The following MXD3 variants were observed in gnomAD, a reference collection of about 807,000 sequenced individuals.
The protein encoded by MXD3 is MAX dimerization protein 3.
Under a neutral mutation model 27.5 loss-of-function variants are expected in MXD3, and 20 were observed. The observed-to-expected ratio is 0.73, with a 90% CI of 0.51 to 1.06. The LOEUF is 1.06. Ranked by LOEUF, MXD3 falls within the 50% of genes least tolerant of loss-of-function variation. The pLI is 0.00. For synonymous variants in MXD3, 150 were observed against 130.7 expected, an observed-to-expected ratio of 1.15 and a Z score of -1.01; for missense variants, 298 against 291.3, an observed-to-expected ratio of 1.02 and a Z score of -0.17.
In MXD3 at chr5:177,307,359, C is replaced by A. The variant is rs1389976850; in HGVS notation, c.*229G>T. 1.1e-5 allele frequency: 17 copies of A among 1,521,936 alleles called. No homozygotes were observed. Among genetic ancestry groups the A allele is most frequent in the Non-Finnish European group, 1.4e-5 (16 of 1,123,398 alleles). The allele number at this position is 1,521,936 out of a possible 1,614,324, so 94.3% of individuals were successfully genotyped here. ...CTTGGGCTCGGGCCCAAGCTGCCTG[C>A]CCTGCAGGGGTCCAGGGAGGTCCTG... On this transcript the variant is annotated 3_prime_UTR_variant, in exon 6 of 6. Coordinates refer to ENST00000439742, the MANE Select transcript of MXD3 (RefSeq NM_031300.4).
At chr5:177,312,451 AAGC>A, upstream of MXD3, 1 of 985,512 alleles carries the variant, frequency 1.0e-6, no homozygotes, top group African/African-American at 1.7e-5. Context: ...GCGGGAAAAG[AAGC>A]AGGTTTCAAA....
At chr5:177,306,316 C>T, downstream of MXD3, 1 of 1,585,220 alleles carries the variant, frequency 6.3e-7, no homozygotes, top group Middle Eastern at 1.7e-4. Flanking sequence ...GTGAATACCA[C>T]CTTTTTAGTG....
Position 177,311,361 on chromosome 5 carries a change from C to T in MXD3, c.176+18G>A, listed in dbSNP as rs1287860461. ...CGCCCACCCCCACCCCCACTCCCGC[C>T]GCCCCCGGCCTCCTCACCGCCCGCT... On this transcript the variant is annotated intron_variant, in intron 2 of 5. Coordinates refer to ENST00000439742, the MANE Select transcript of MXD3 (RefSeq NM_031300.4). 3 of 1,430,080 alleles carry T rather than the reference C, an allele frequency of 2.1e-6. No homozygotes were observed. The highest frequency in any genetic ancestry group is 3.1e-5 in the African/African-American group (2 of 65,552). The allele number at this position is 1,430,080 out of a possible 1,614,324, so 88.6% of individuals were successfully genotyped here. A position where few individuals can be genotyped will look rare whatever the true frequency, so the allele number is the denominator to read the frequency against.
downstream of MXD3, chr5:177,305,557 G>T (rs1760844544): frequency 3.0e-6 from 1 of 329,170 alleles, no homozygotes; most frequent in Admixed American, 4.6e-5. Flanking sequence ...GCTGGTGGAA[G>T]GCGGCTAAAA....
chr5:177,306,211 G>A (rs556789631), downstream of MXD3: 37 of 1,595,764 alleles, frequency 2.3e-5, no homozygotes, highest in South Asian at 3.5e-4. Flanking sequence ...TCCTCATAGG[G>A]AGAGGCTCAT....
rs771639154 is a variant in MXD3, at chr5:177,307,637, ACGAAGCCCC to A, written c.563_571del (p.Arg188_Val191delinsLeu). 6.2e-7 allele frequency: 1 copy of A among 1,613,326 alleles called. No homozygotes were observed. The highest frequency in any genetic ancestry group is 1.1e-5 in the South Asian group (1 of 91,076). On this transcript the variant is annotated inframe_deletion, in exon 6 of 6. Transcript: ENST00000439742. ...CGAGTAGCTGTGCTCCTGGCCGGCG[ACGAAGCCCC>A]GCAGCAGCTCGGCCTCACCCCCAAA...
At chr5:177,306,342 G>A (rs187617178), downstream of MXD3, 6 of 1,601,986 alleles carry the variant, frequency 3.7e-6, no homozygotes, top group Admixed American at 8.5e-5. Flanking sequence ...TGGCCCAGAG[G>A]AGATTGGTGT....
At chr5:177,309,777 G>A (rs1441995423) in intron 4 of MXD3, among the ~76,000 whole-genome samples, 1 of 152,240 alleles carries the variant, frequency 6.6e-6, no homozygotes, top group African/African-American at 2.4e-5. Flanking sequence ...TATTCCTCTA[G>A]AGGGCAGGAA....
downstream of MXD3, chr5:177,305,605 A>G: frequency 4.2e-6 from 2 of 476,040 alleles, no homozygotes; most frequent in South Asian, 2.3e-5. Flanking sequence ...AAAATCCAGG[A>G]GCAGGATGGG....
At position 177,307,663 on chromosome 5, in the gene MXD3, A is replaced by G. The variant is rs1326591892; in HGVS notation, c.546T>C (p.Gly182=). ...EVDVESLVFG[G]EAELLRGFVA... is the part of the protein sequence containing the mutation. Reference sequence around the variant, plus strand: ...CGAAGCCCCGCAGCAGCTCGGCCTCACCCCCAAACACCAGGCTCTCCACAT... The same window carrying G: ...CGAAGCCCCGCAGCAGCTCGGCCTCGCCCCCAAACACCAGGCTCTCCACAT... The change falls in exon 6 of 6, where the codon GGT becomes GGC. Residue 182 remains glycine, a synonymous_variant. Transcript: ENST00000439742. The G allele has an allele frequency of 1.2e-6, 2 of 1,613,256 alleles. No individual in the cohort carries two copies. Among genetic ancestry groups the G allele is most frequent in the East Asian group, 2.2e-5 (1 of 44,848 alleles).
chr5:177,307,849 C>A lies in MXD3; in HGVS notation c.437G>T (p.Arg146Leu). 1 of 1,610,560 alleles carries A rather than the reference C, an allele frequency of 6.2e-7. No individual in the cohort carries two copies. The highest frequency in any genetic ancestry group is 8.5e-7 in the Non-Finnish European group (1 of 1,179,024). Residue 146 changes from arginine to leucine, a missense_variant, in exon 5 of 6, where the codon CGG (arginine) becomes CTG (leucine). By Grantham distance (102) the Arg-to-Leu change is moderately radical. Coordinates refer to ENST00000439742, the MANE Select transcript of MXD3 (RefSeq NM_031300.4). The stretch of plus-strand genomic sequence containing the variant: ...CAGACTGTCCGCCCGCAGCCGCTCC[C>A]GCTCGGCCGCCCCTGCCAGCCCCCG... The part of the protein sequence containing the change: ...QLRGLAGAAE[R>L]ERLRADSLDS...
chr5:177,311,600 C>T (rs1212212678), intron 1 of MXD3, 116 bp from the exon 2 acceptor site: 2 of 1,133,214 alleles, frequency 1.8e-6, no homozygotes, highest in Non-Finnish European at 1.2e-6. Flanking sequence ...TTCCCCCACC[C>T]GTCCCTGCTC....
intron 4 of MXD3, among the ~76,000 whole-genome samples, chr5:177,308,817 C>T (rs994621665): frequency 6.6e-6 from 1 of 152,212 alleles, no homozygotes; most frequent in South Asian, 2.1e-4. Flanking sequence ...ACGATCCCTA[C>T]AAGAGCGAGA....
At chr5:177,306,610 T>A, downstream of MXD3, 1 of 1,591,782 alleles carries the variant, frequency 6.3e-7, no homozygotes, top group South Asian at 1.1e-5. Context: ...CAGCTAGGCT[T>A]AGCCTCTCTG....
At chr5:177,309,166 AAGGGCCTTGAGTTTCAC>A (rs1367139732) in intron 4 of MXD3, among the ~76,000 whole-genome samples, 1 of 152,190 alleles carries the variant, frequency 6.6e-6, no homozygotes, top group African/African-American at 2.4e-5. Context: ...CTGGGTTATG[AAGGGCCTTGAGTTTCAC>A]AGGAAGGAAG....
In MXD3 at chr5:177,307,626, C is replaced by G. The variant is rs774939025; in HGVS notation, c.583G>C (p.Glu195Gln). 1 of 1,613,274 alleles carries G rather than the reference C, an allele frequency of 6.2e-7. No homozygotes were observed. Residue 195 changes from glutamate (E) to glutamine (Q), a missense_variant, in exon 6 of 6, where the codon GAG (glutamate) becomes CAG (glutamine). Physicochemically the swap from Glu to Gln is conservative, Grantham distance 29. Transcript: ENST00000439742. ...CCGCCGCCGTGCGAGTAGCTGTGCT[C>G]CTGGCCGGCGACGAAGCCCCGCAGC... is the stretch of plus-strand genomic sequence containing the variant. ...ELLRGFVAGQEHSYSHGGGAW... is the reference protein window; with the variant it reads ...ELLRGFVAGQQHSYSHGGGAW...
chr5:177,306,114 G>T (rs555396821), downstream of MXD3: 3 of 1,613,494 alleles, frequency 1.9e-6, no homozygotes, highest in Non-Finnish European at 2.5e-6. Context: ...GGTCTTGCCC[G>T]ATTCAAAAGC....
Position 177,307,514 on chromosome 5 carries a change from C to G in MXD3, c.*74G>C. ...AGGTGACTCCGAGCAGCCCTGAAGGCTTGGGGAGGGCTCCTGCCTGGCAAG... is the reference window on the plus strand; with the variant it reads ...AGGTGACTCCGAGCAGCCCTGAAGGGTTGGGGAGGGCTCCTGCCTGGCAAG... On this transcript the variant is annotated 3_prime_UTR_variant, in exon 6 of 6. Transcript: ENST00000439742. 6.4e-7 allele frequency: 1 copy of G among 1,571,342 alleles called. No homozygotes were observed. Among genetic ancestry groups the G allele is most frequent in the Non-Finnish European group, 8.6e-7 (1 of 1,160,902 alleles).
intron 2 of MXD3, 24 bp downstream of exon 2, chr5:177,311,352 CACT>C (rs1453778104): frequency 6.4e-6 from 9 of 1,403,618 alleles, no homozygotes; most frequent in East Asian, 3.0e-5. Flanking sequence ...CCCCCACCCC[CACT>C]CCCGCCGCCC....
Sources: allele counts gnomAD v4.1 joint callset (sites outside exome capture counted in the v4.1 genomes callset), GRCh38; gene constraint gnomAD v4.1.1; transcripts MANE v1.5; gene names NCBI Gene and HGNC (gene_info 2026-07-23, HGNC 2026-07-21).